SMAP1: variants seen among roughly 807,000 people sequenced by gnomAD.
The protein encoded by SMAP1 is small ArfGAP 1.
SMAP1 carries 24 observed loss-of-function variants against 58.5 expected under a neutral mutation model. The observed-to-expected ratio is 0.41, with a 90% CI of 0.30 to 0.58. SMAP1 has a LOEUF of 0.58. Among genes scored for constraint, SMAP1 ranks in the 20% least tolerant of loss-of-function variants. The pLI, the probability that SMAP1 is intolerant of heterozygous loss-of-function variation, is 0.29. For synonymous variants in SMAP1, 216 were observed against 196.6 expected (o/e 1.10, Z -0.82); for missense variants, 563 against 566.3 (o/e 0.99, Z 0.06).
intron 1 of SMAP1, among the ~76,000 whole-genome samples, chr6:70,707,460 A>C (rs989500630): frequency 6.6e-6 from 1 of 152,204 alleles, no homozygotes; most frequent in Non-Finnish European, 1.5e-5. Flanking sequence ...TTAACATAAC[A>C]GTAAAGGTCT....
chr6:70,714,294 G>A (rs890512506), intron 1 of SMAP1, among the ~76,000 whole-genome samples: 1 of 151,952 alleles, frequency 6.6e-6, no homozygotes, highest in Non-Finnish European at 1.5e-5. Flanking sequence ...TGTTTGTTTT[G>A]TAGTTGTTTT....
intron 1 of SMAP1, among the ~76,000 whole-genome samples, chr6:70,702,712 C>G (rs1049025366): frequency 6.6e-6 from 1 of 151,480 alleles, no homozygotes; most frequent in African/African-American, 2.4e-5. Context: ...TCTCAGCTCA[C>G]TGCAACCTCC....
At chr6:70,674,138 T>C (rs1278602966) in intron 1 of SMAP1, among the ~76,000 whole-genome samples, 4 of 152,156 alleles carry the variant, frequency 2.6e-5, no homozygotes, top group Non-Finnish European at 5.9e-5. Context: ...TTTTTTCTTT[T>C]TGGTACAGGG....
At chr6:70,749,807 A>G (rs1766202169) in intron 2 of SMAP1, among the ~76,000 whole-genome samples, 1 of 152,230 alleles carries the variant, frequency 6.6e-6, no homozygotes, top group African/African-American at 2.4e-5. Flanking sequence ...AGATGTATAA[A>G]GAAGGAAAGT....
chr6:70,849,095 A>G (rs1440262996), intron 7 of SMAP1, among the ~76,000 whole-genome samples: 4 of 152,200 alleles, frequency 2.6e-5, no homozygotes, highest in African/African-American at 7.2e-5. Flanking sequence ...GCAGAGAGCA[A>G]TCACCTATGC....
chr6:70,730,499 A>G (rs1027547369), intron 1 of SMAP1, among the ~76,000 whole-genome samples: 3 of 152,276 alleles, frequency 2.0e-5, no homozygotes, highest in African/African-American at 7.2e-5. Context: ...TGTGTTAGAA[A>G]TGATGAGACA....
chr6:70,770,432 G>A lies in SMAP1; in HGVS notation c.339-2918G>A, dbSNP rs1179937223. On this transcript the variant is annotated intron_variant, in intron 3 of 10. Transcript: ENST00000370455. Reference sequence around the variant, plus strand: ...TTTTCACATAGTCCCATATTTCTTGGAGACTTTGTTCGTTTCTTTTTATTC... The same window carrying A: ...TTTTCACATAGTCCCATATTTCTTGAAGACTTTGTTCGTTTCTTTTTATTC... Among the ~76,000 whole-genome samples the A allele has an allele frequency of 1.6e-4, 24 of 152,244 alleles. No homozygotes were observed. The East Asian group carries it at 4.6e-3, about 29-fold the overall frequency.
rs148446406 is a variant in SMAP1 at position 70,783,501 on chromosome 6, T to A, written c.415-8188T>A. On this transcript the variant is annotated intron_variant, in intron 4 of 10. Transcript: ENST00000370455. ...AGAAGGCTTCAGACGAACAAACTAC[T>A]CCGAGCTACGGGAGGAAACTCAAAC... 2.2e-3 allele frequency among the ~76,000 whole-genome samples: 342 copies of A among 152,130 alleles called. 2 individuals carry two copies. The highest frequency in any genetic ancestry group is 7.8e-3 in the African/African-American group (323 of 41,484).
intron 4 of SMAP1, among the ~76,000 whole-genome samples, chr6:70,777,746 T>C (rs1415445173): frequency 2.0e-5 from 3 of 151,944 alleles, no homozygotes; most frequent in African/African-American, 7.2e-5. Flanking sequence ...TATTTAAGTC[T>C]TCATTATTAA....
chr6:70,684,213 A>C (rs1316423131), intron 1 of SMAP1, among the ~76,000 whole-genome samples: 1 of 152,230 alleles, frequency 6.6e-6, no homozygotes, highest in Non-Finnish European at 1.5e-5. Flanking sequence ...GTTAACTAGG[A>C]ACAAATGGTT....
At chr6:70,720,618 G>A (rs967071472) in intron 1 of SMAP1, among the ~76,000 whole-genome samples, 4 of 152,216 alleles carry the variant, frequency 2.6e-5, no homozygotes, top group Non-Finnish European at 1.5e-5. Context: ...GGGCATCCAG[G>A]CGTTTCCATA....
rs117218115 is a variant in SMAP1 at position 70,781,925 on chromosome 6, A to G, written c.414+8500A>G. Among the ~76,000 whole-genome samples the G allele has an allele frequency of 2.3e-3, 345 of 152,294 alleles. 1 individual carries two copies. The highest frequency in any genetic ancestry group is 3.8e-3 in the Non-Finnish European group (257 of 68,012). On this transcript the variant is annotated intron_variant, in intron 4 of 10. Transcript: ENST00000370455. ...CGGTTACTTTGATGGTGGCCTAGAG[A>G]AGAACGTCTGAGCTTAAGAATAATT...
At chr6:70,764,886 A>T (rs1445058660) in intron 3 of SMAP1, among the ~76,000 whole-genome samples, 1 of 152,098 alleles carries the variant, frequency 6.6e-6, no homozygotes, top group Non-Finnish European at 1.5e-5. Flanking sequence ...TGCACCCCTG[A>T]CTTTCCAGGC....
chr6:70,809,143 A>C (rs1375608390), intron 6 of SMAP1, among the ~76,000 whole-genome samples: 3 of 152,228 alleles, frequency 2.0e-5, no homozygotes, highest in Admixed American at 6.5e-5. Flanking sequence ...AAAGTAGAAT[A>C]AAAATTCCAG....
At chr6:70,676,951 A>T (rs1050293314) in intron 1 of SMAP1, among the ~76,000 whole-genome samples, 3 of 151,518 alleles carry the variant, frequency 2.0e-5, no homozygotes, top group African/African-American at 4.9e-5. Flanking sequence ...TGGCTAATTT[A>T]AAAAAAATTT....
At chr6:70,816,377 G>A (rs1769630429) in intron 6 of SMAP1, among the ~76,000 whole-genome samples, 1 of 152,170 alleles carries the variant, frequency 6.6e-6, no homozygotes, top group Non-Finnish European at 1.5e-5. Flanking sequence ...AATCCTGGCT[G>A]TAGTATGTAG....
chr6:70,804,856 T>TGA lies in SMAP1; in HGVS notation c.576+6124_576+6125dup, dbSNP rs1446747144. ...CTCTTCTGGCCTATAGTGTTTCTGC[T>TGA]GAGAGATCTGCTGTTAGTCTGATGG... On this transcript the variant is annotated intron_variant, in intron 6 of 10. Coordinates refer to ENST00000370455, the MANE Select transcript of SMAP1 (RefSeq NM_001044305.3). Among the ~76,000 whole-genome samples, 8 of 152,200 alleles carry TGA rather than the reference T, an allele frequency of 5.3e-5. No homozygotes were observed. In the East Asian group the frequency reaches 1.5e-3, roughly 29 times the overall value.
intron 1 of SMAP1, chr6:70,668,556 G>A: frequency 6.5e-7 from 1 of 1,533,262 alleles, no homozygotes; most frequent in South Asian, 1.2e-5. Context: ...CCGCGCTTAG[G>A]TCTGGATCCC....
At chr6:70,710,240 C>G (rs912626674) in intron 1 of SMAP1, among the ~76,000 whole-genome samples, 6 of 152,010 alleles carry the variant, frequency 3.9e-5, no homozygotes, top group African/African-American at 1.4e-4. Context: ...CGCCTGTAAT[C>G]CCAGCACTTT....
Sources: allele counts gnomAD v4.1 joint callset (sites outside exome capture counted in the v4.1 genomes callset), GRCh38; gene constraint gnomAD v4.1.1; transcripts MANE v1.5; gene names NCBI Gene and HGNC (gene_info 2026-07-23, HGNC 2026-07-21).